Variants in TRIP12 observed in about 807,000 individuals in gnomAD.
TRIP12 encodes the protein E3 ubiquitin-protein ligase TRIP12.
TRIP12 carries 25 observed loss-of-function variants against 244.2 expected under a neutral mutation model. The ratio of observed to expected loss-of-function variants is 0.10; its 90% confidence interval spans 0.07 to 0.14. The LOEUF is 0.14. Ranked by LOEUF, TRIP12 falls within the 10% of genes least tolerant of loss-of-function variation. The probability of loss-of-function intolerance (pLI) is 1.00; values close to 1 mark genes in which losing one functional copy is unlikely to be tolerated. For missense variants in TRIP12, 1,677 were observed against 2,486.4 expected, an observed-to-expected ratio of 0.67 and a Z score of 6.92; for synonymous variants, 905 against 873.1, an observed-to-expected ratio of 1.04 and a Z score of -0.64.
chr2:229,770,642 C>T (rs1020884631), intron 39 of TRIP12, among the ~76,000 whole-genome samples: 27 of 152,128 alleles, frequency 1.8e-4, no homozygotes, highest in African/African-American at 3.6e-4. Flanking sequence ...AAATTAAAGA[C>T]GGTAATATGG....
intron 34 of TRIP12, among the ~76,000 whole-genome samples, chr2:229,782,927 TAAAACAAA>T (rs912538504): frequency 1.6e-3 from 249 of 152,198 alleles, no homozygotes; most frequent in African/African-American, 5.6e-3. Flanking sequence ...AGTTTTGTCT[TAAAACAAA>T]AAAATTAGGT....
At position 229,793,324 on chromosome 2, in the gene TRIP12, T is replaced by C. The variant is rs1282225407; in HGVS notation, c.3969-179A>G. 6 of 545,362 alleles carry C rather than the reference T, an allele frequency of 1.1e-5. No homozygotes were observed. In the South Asian group the frequency reaches 2.4e-4, roughly 22 times the overall value. The allele number at this position is 545,362 out of a possible 1,614,324, so 33.8% of individuals were successfully genotyped here. On this transcript the variant is annotated intron_variant, in intron 26 of 41. Transcript: ENST00000675903. ...ATTCAAGTTATTTAGAAAAAATTTTTATACGTAAGAAATAAAAGACGGATG... is the reference window on the plus strand; with the variant it reads ...ATTCAAGTTATTTAGAAAAAATTTTCATACGTAAGAAATAAAAGACGGATG...
At chr2:229,922,534 G>A (rs773476398), upstream of TRIP12, 6 of 1,613,946 alleles carry the variant, frequency 3.7e-6, no homozygotes, top group Non-Finnish European at 2.5e-6. Flanking sequence ...GGCTGCCGGA[G>A]ACTCTCTTTG....
intron 1 of TRIP12, among the ~76,000 whole-genome samples, chr2:229,882,659 C>T (rs1252593356): frequency 6.6e-6 from 1 of 152,190 alleles, no homozygotes; most frequent in Non-Finnish European, 1.5e-5. Context: ...GATACTGCTG[C>T]TCTCACTTTA....
intron 9 of TRIP12, among the ~76,000 whole-genome samples, chr2:229,816,736 C>CTAAATTTTT (rs1184182843): frequency 2.0e-5 from 3 of 152,138 alleles, no homozygotes; most frequent in African/African-American, 7.2e-5. Context: ...CTAATAAAAA[C>CTAAATTTTT]TAAATTTTAA....
intron 2 of TRIP12, among the ~76,000 whole-genome samples, chr2:229,875,525 ACT>A (rs1305225251): frequency 1.3e-5 from 2 of 152,138 alleles, no homozygotes. Flanking sequence ...GCAATGAAAC[ACT>A]CTGGCATAAT....
intron 5 of TRIP12, among the ~76,000 whole-genome samples, chr2:229,840,545 TAAAAA>T (rs1236776893): frequency 6.6e-6 from 1 of 151,468 alleles, no homozygotes; most frequent in East Asian, 1.9e-4. Flanking sequence ...CTACTAAAAA[TAAAAA>T]AATTAGCTGG....
intron 2 of TRIP12, among the ~76,000 whole-genome samples, chr2:229,866,727 G>A (rs974269940): frequency 3.3e-5 from 5 of 152,094 alleles, no homozygotes; most frequent in Non-Finnish European, 7.4e-5. Context: ...TCCTCAAAGA[G>A]GTCAGAGTCT....
intron 8 of TRIP12, among the ~76,000 whole-genome samples, chr2:229,823,902 A>G (rs1360681839): frequency 6.6e-6 from 1 of 152,032 alleles, no homozygotes; most frequent in African/African-American, 2.4e-5. Context: ...GTCTGACACT[A>G]TGTTAAAAAA....
At chr2:229,901,122 C>T (rs1034509721) in intron 1 of TRIP12, among the ~76,000 whole-genome samples, 5 of 151,066 alleles carry the variant, frequency 3.3e-5, no homozygotes, top group African/African-American at 7.3e-5. Context: ...TTAGTAGAGA[C>T]AGGGTTTCAC....
intron 4 of TRIP12, among the ~76,000 whole-genome samples, chr2:229,849,317 C>T (rs2058190937): frequency 6.6e-6 from 1 of 152,150 alleles, no homozygotes; most frequent in Non-Finnish European, 1.5e-5. Context: ...ACAATAAACC[C>T]TGCGTGCTGA....
chr2:229,913,133 A>G (rs1377610648), intron 1 of TRIP12, among the ~76,000 whole-genome samples: 1 of 152,190 alleles, frequency 6.6e-6, no homozygotes, highest in Non-Finnish European at 1.5e-5. Context: ...TACAGGCATG[A>G]GCCACAGCAC....
chr2:229,894,094 G>A (rs552644862), intron 1 of TRIP12, among the ~76,000 whole-genome samples: 1 of 152,284 alleles, frequency 6.6e-6, no homozygotes, highest in South Asian at 2.1e-4. Context: ...GATGGAGGCT[G>A]CAGCGAGCTG....
intron 2 of TRIP12, among the ~76,000 whole-genome samples, chr2:229,878,970 C>T (rs1202611309): frequency 4.0e-5 from 6 of 151,576 alleles, no homozygotes; most frequent in East Asian, 2.0e-4. Flanking sequence ...TAGAATTCAG[C>T]AGCTGAGCGC....
intron 38 of TRIP12, 153 bp downstream of exon 38, chr2:229,773,944 A>G: frequency 1.5e-6 from 1 of 674,348 alleles, no homozygotes; most frequent in Admixed American, 2.7e-5. Context: ...AAGAGCAAAG[A>G]GAAGCTAGTG....
In TRIP12 at chr2:229,805,714, C is replaced by A. The variant is rs761699183; in HGVS notation, c.2650+16G>T. 1.9e-6 allele frequency: 3 copies of A among 1,556,324 alleles called. No individual in the cohort carries two copies. In the South Asian group the frequency reaches 3.5e-5, roughly 18 times the overall value. ...GCACAATAGTATAGTGCTATTTTAA[C>A]TCAGAATGTACTTACTAGTGTTACT... On this transcript the variant is annotated intron_variant, in intron 18 of 41. Coordinates refer to ENST00000675903, the MANE Select transcript of TRIP12 (RefSeq NM_001348323.3).
chr2:229,915,497 C>T (rs1304235840), intron 1 of TRIP12, among the ~76,000 whole-genome samples: 1 of 152,010 alleles, frequency 6.6e-6, no homozygotes, highest in Non-Finnish European at 1.5e-5. Context: ...TTTCCACTTA[C>T]AGTATCTTAT....
intron 8 of TRIP12, among the ~76,000 whole-genome samples, chr2:229,824,276 A>G (rs1020688019): frequency 2.6e-5 from 4 of 152,244 alleles, no homozygotes; most frequent in Admixed American, 6.5e-5. Context: ...AGTTAATATT[A>G]GAGAAACAAT....
chr2:229,880,575 T>C (rs1478751937), intron 1 of TRIP12, among the ~76,000 whole-genome samples: 1 of 152,254 alleles, frequency 6.6e-6, no homozygotes, highest in Non-Finnish European at 1.5e-5. Context: ...TAGGATTCCT[T>C]AGACACAGAA....
Sources: allele counts gnomAD v4.1 joint callset (sites outside exome capture counted in the v4.1 genomes callset), GRCh38; gene constraint gnomAD v4.1.1; transcripts MANE v1.5; gene names NCBI Gene and HGNC (gene_info 2026-07-23, HGNC 2026-07-21).